PARVA: variants seen among roughly 807,000 people sequenced by gnomAD.
PARVA encodes parvin alpha.
In PARVA, 25 loss-of-function variants were observed where a neutral mutation model predicts 52.6. That is an observed-to-expected ratio of 0.48 (90% CI 0.35 to 0.66). The LOEUF is 0.66. PARVA is among the 30% of genes least tolerant of loss of function. The pLI, the probability that PARVA is intolerant of heterozygous loss-of-function variation, is 0.01. For synonymous variants in PARVA, 185 were observed against 179.1 expected (o/e 1.03, Z -0.26); for missense variants, 373 against 450.9 (o/e 0.83, Z 1.56).
intron 6 of PARVA, among the ~76,000 whole-genome samples, chr11:12,506,858 T>C (rs1372710870): frequency 1.3e-5 from 2 of 152,224 alleles, no homozygotes; most frequent in Admixed American, 6.5e-5. Flanking sequence ...TGAGGGGTTA[T>C]TGAACCCAGA....
At chr11:12,397,716 T>C (rs1939769325) in intron 1 of PARVA, among the ~76,000 whole-genome samples, 2 of 152,178 alleles carry the variant, frequency 1.3e-5, no homozygotes, top group Admixed American at 6.5e-5. Flanking sequence ...AGCTTCAGCA[T>C]GTTGGTTCAG....
chr11:12,409,594 C>T (rs188902447), intron 1 of PARVA, among the ~76,000 whole-genome samples: 18 of 152,176 alleles, frequency 1.2e-4, no homozygotes, highest in Admixed American at 9.8e-4. Flanking sequence ...GAAGATGTGA[C>T]ATCACTGGCT....
At chr11:12,422,703 G>A (rs1339797787) in intron 1 of PARVA, among the ~76,000 whole-genome samples, 1 of 151,938 alleles carries the variant, frequency 6.6e-6, no homozygotes, top group East Asian at 1.9e-4. Flanking sequence ...TTACTCTTTA[G>A]CCATTTGTCA....
intron 7 of PARVA, among the ~76,000 whole-genome samples, chr11:12,508,927 C>G (rs1941468695): frequency 6.6e-6 from 1 of 152,102 alleles, no homozygotes; most frequent in Non-Finnish European, 1.5e-5. Context: ...GCCAACCCAG[C>G]ATGAAATCGT....
rs151183675 is a variant in PARVA at position 12,464,456 on chromosome 11, C to G, written c.137-9289C>G. Among the ~76,000 whole-genome samples the G allele has an allele frequency of 1.8e-4, 27 of 152,260 alleles. No individual in the cohort carries two copies. In the East Asian group the frequency reaches 4.4e-3, roughly 25 times the overall value. On this transcript the variant is annotated intron_variant, in intron 1 of 12. Transcript: ENST00000334956. ...ATATAGCAGTATCAGCACTGTTAAC[C>G]CATACCCTATGGGAAACAACTTTAT...
intron 1 of PARVA, among the ~76,000 whole-genome samples, chr11:12,451,787 A>G (rs905601754): frequency 6.6e-6 from 1 of 152,216 alleles, no homozygotes; most frequent in African/African-American, 2.4e-5. Context: ...TAACAGTTAC[A>G]TAATAGTTAT....
At chr11:12,509,078 T>TTTTG (rs1452964256) in intron 7 of PARVA, among the ~76,000 whole-genome samples, 36 of 143,064 alleles carry the variant, frequency 2.5e-4, no homozygotes, top group Non-Finnish European at 5.1e-4. Context: ...TGGGGTGGTT[T>TTTTG]TTTTTTTTTT....
intron 1 of PARVA, among the ~76,000 whole-genome samples, chr11:12,446,898 A>G (rs1940554990): frequency 6.6e-6 from 1 of 152,146 alleles, no homozygotes; most frequent in African/African-American, 2.4e-5. Flanking sequence ...CATGGCTATG[A>G]CTCCTATAAG....
intron 1 of PARVA, among the ~76,000 whole-genome samples, chr11:12,459,880 G>GA (rs564406168): frequency 1.1e-4 from 16 of 151,844 alleles, no homozygotes; most frequent in African/African-American, 3.6e-4. Flanking sequence ...TTTATAGTCA[G>GA]AAAAAAAATC....
chr11:12,484,636 A>C (rs559468437), intron 4 of PARVA, among the ~76,000 whole-genome samples: 1 of 151,966 alleles, frequency 6.6e-6, no homozygotes, highest in Admixed American at 6.6e-5. Context: ...GGCAAAAACC[A>C]TTTGGTGTGC....
At chr11:12,436,664 G>C (rs531974840) in intron 1 of PARVA, among the ~76,000 whole-genome samples, 1 of 152,278 alleles carries the variant, frequency 6.6e-6, no homozygotes, top group East Asian at 1.9e-4. Flanking sequence ...GATCAGTTTA[G>C]CTTCCTTTTA....
At chr11:12,477,628 G>T (rs775371844) in intron 3 of PARVA, among the ~76,000 whole-genome samples, 2 of 152,170 alleles carry the variant, frequency 1.3e-5, no homozygotes, top group Non-Finnish European at 2.9e-5. Flanking sequence ...CACTCCCATA[G>T]TCTCAGCTAT....
intron 1 of PARVA, among the ~76,000 whole-genome samples, chr11:12,399,520 CTAAATGTTTAT>C (rs1180590907): frequency 2.0e-5 from 3 of 152,202 alleles, no homozygotes; most frequent in African/African-American, 7.2e-5. Context: ...CTAAATATTT[CTAAATGTTTAT>C]TATAAGTTCT....
At chr11:12,392,024 C>G (rs555243006) in intron 1 of PARVA, among the ~76,000 whole-genome samples, 1 of 152,230 alleles carries the variant, frequency 6.6e-6, no homozygotes, top group Admixed American at 6.5e-5. Flanking sequence ...CTCCCCTCCC[C>G]ATTTCCTAAC....
rs80227043 is a variant in PARVA at position 12,513,830 on chromosome 11, T to G, written c.799-167T>G. ...AAAGTCGAGCCTGTGGCCCTCCCTG[T>G]GCACTCAATGGCCTTTGCAGAGAGA... On this transcript the variant is annotated intron_variant, in intron 9 of 12. Coordinates refer to ENST00000334956, the MANE Select transcript of PARVA (RefSeq NM_018222.5). 56 of 633,360 alleles carry G rather than the reference T, an allele frequency of 8.8e-5. No homozygotes were observed. The African/African-American group carries it at 9.3e-4, about 10-fold the overall frequency. 39.2% of individuals were successfully genotyped at this position (633,360 alleles called of 1,614,324 possible). A position where few individuals can be genotyped will look rare whatever the true frequency, so the allele number is the denominator to read the frequency against.
rs192580237 is a variant in PARVA at position 12,421,996 on chromosome 11, C to G, written c.136+44213C>G. 2.6e-5 allele frequency among the ~76,000 whole-genome samples: 4 copies of G among 152,190 alleles called. No homozygotes were observed. The South Asian group carries it at 8.3e-4, about 32-fold the overall frequency. The stretch of plus-strand genomic sequence containing the variant: ...TTATTGCTGCTTTAACTTGACTTCT[C>G]CCCACATTTGGAGGATATTCCAGCC... On this transcript the variant is annotated intron_variant, in intron 1 of 12. Transcript: ENST00000334956.
chr11:12,492,477 GAAC>G lies in PARVA; in HGVS notation c.401-3979_401-3977del, dbSNP rs1165644216. On this transcript the variant is annotated intron_variant, in intron 4 of 12. Transcript: ENST00000334956. ...AGCTAGCTGAAATTAGCCCACAAAAGAACATTATCTTTAAATCCTTAGTAATGT... is the reference window on the plus strand; with the variant it reads ...AGCTAGCTGAAATTAGCCCACAAAAGATTATCTTTAAATCCTTAGTAATGT... 5.9e-5 allele frequency among the ~76,000 whole-genome samples: 9 copies of G among 152,244 alleles called. No individual in the cohort carries two copies. In the South Asian group the frequency reaches 1.7e-3, roughly 28 times the overall value.
rs1243655435 is a variant in PARVA at position 12,535,233 on chromosome 11, C to G, written c.*7308C>G. Among the ~76,000 whole-genome samples, 3 of 152,232 alleles carry G rather than the reference C, an allele frequency of 2.0e-5. No individual in the cohort carries two copies. Among genetic ancestry groups the G allele is most frequent in the Non-Finnish European group, 2.9e-5 (2 of 68,046 alleles). On this transcript the variant is annotated 3_prime_UTR_variant, in exon 13 of 13. Coordinates refer to ENST00000334956, the MANE Select transcript of PARVA (RefSeq NM_018222.5). The stretch of plus-strand genomic sequence containing the variant: ...GTCATTGCCTGTGAGGGAGACCAAG[C>G]TCACCACCAAGGGCTTTTGCCAGAT...
chr11:12,425,225 A>T (rs6485727), intron 1 of PARVA, among the ~76,000 whole-genome samples: 111,152 of 152,136 alleles, frequency 0.73, 40,783 homozygotes, highest in South Asian at 0.84. Flanking sequence ...TCTGTGTTTT[A>T]AATTTTTTAT....
Sources: gnomAD v4.1 joint callset for allele counts (sites outside exome capture counted in the v4.1 genomes callset) on GRCh38, gnomAD v4.1.1 for gene constraint, MANE v1.5 for transcripts, NCBI Gene and HGNC (gene_info 2026-07-23, HGNC 2026-07-21) for gene names.